Variants in TNS3 observed in about 807,000 individuals in gnomAD.
TNS3 encodes tensin 3.
A neutral mutation model predicts 140.9 loss-of-function variants in TNS3; 45 were observed. The observed-to-expected ratio is 0.32, with a 90% CI of 0.25 to 0.41. The LOEUF (loss-of-function observed/expected upper bound fraction) is 0.41. Ranked by LOEUF, TNS3 falls within the 10% of genes least tolerant of loss-of-function variation. The pLI is 1.00. For missense variants in TNS3, 1,716 were observed against 1,906.7 expected, an observed-to-expected ratio of 0.90 and a Z score of 1.86; for synonymous variants, 815 against 788.4, an observed-to-expected ratio of 1.03 and a Z score of -0.56.
chr7:47,297,354 G>T, intron 23 of TNS3, 141 bp from the exon 24 acceptor site: 1 of 1,016,176 alleles, frequency 9.8e-7, no homozygotes, highest in Non-Finnish European at 1.4e-6. Flanking sequence ...CCCTCTGCTT[G>T]GCTGGAAGAA....
intron 10 of TNS3, among the ~76,000 whole-genome samples, chr7:47,421,707 T>C (rs1794379549): frequency 6.6e-6 from 1 of 152,140 alleles, no homozygotes; most frequent in South Asian, 2.1e-4. Context: ...ACAAGCTGCT[T>C]CTCATGATTT....
intron 2 of TNS3, among the ~76,000 whole-genome samples, chr7:47,528,023 C>T (rs1339860364): frequency 6.6e-6 from 1 of 152,166 alleles, no homozygotes; most frequent in East Asian, 1.9e-4. Context: ...CAGGTGGCTC[C>T]CTGGTCTCTG....
intron 18 of TNS3, among the ~76,000 whole-genome samples, 194 bp downstream of exon 18, chr7:47,345,993 C>T (rs1387077835): frequency 6.6e-6 from 1 of 152,182 alleles, no homozygotes; most frequent in Non-Finnish European, 1.5e-5. Context: ...ACACTGTGCT[C>T]TCCCAGCCAC....
At chr7:47,569,090 A>C (rs1175282190) in intron 1 of TNS3, among the ~76,000 whole-genome samples, 1 of 152,168 alleles carries the variant, frequency 6.6e-6, no homozygotes, top group African/African-American at 2.4e-5. Context: ...TCTCTCCAAA[A>C]TTTGGCTAGT....
chr7:47,345,140 A>C (rs1584447550), intron 18 of TNS3, 102 bp from the exon 19 acceptor site: 1 of 839,916 alleles, frequency 1.2e-6, no homozygotes, highest in Non-Finnish European at 2.0e-6. Context: ...CACTGAGCAA[A>C]CCCCTCCTCT....
At chr7:47,490,372 A>T (rs1306773224) in intron 3 of TNS3, among the ~76,000 whole-genome samples, 1 of 152,258 alleles carries the variant, frequency 6.6e-6, no homozygotes, top group Non-Finnish European at 1.5e-5. Context: ...ACATCCCTGC[A>T]TGCTATTGCC....
At chr7:47,282,049 C>T (rs1785173019) in intron 28 of TNS3, among the ~76,000 whole-genome samples, 1 of 151,886 alleles carries the variant, frequency 6.6e-6, no homozygotes, top group Admixed American at 6.5e-5. Flanking sequence ...GGTAGATGAT[C>T]CATATCCCAA....
chr7:47,473,942 A>G (rs1797058678), intron 4 of TNS3, among the ~76,000 whole-genome samples: 1 of 152,240 alleles, frequency 6.6e-6, no homozygotes, highest in African/African-American at 2.4e-5. Flanking sequence ...AGAATCAAAT[A>G]GCTTCATGAG....
Position 47,497,697 on chromosome 7 carries a change from A to ACACG in TNS3, c.-115+9209_-115+9210insCGTG, listed in dbSNP as rs139313048. ...CACACACACACACACACACACACACAGAGCAGGAAATGTTCACCGCGTGCT... is the reference window on the plus strand; with the variant it reads ...CACACACACACACACACACACACACACACGGAGCAGGAAATGTTCACCGCGTGCT... On this transcript the variant is annotated intron_variant, in intron 3 of 30. Transcript: ENST00000311160. Among the ~76,000 whole-genome samples, 1,056 of 148,488 alleles carry ACACG rather than the reference A, an allele frequency of 7.1e-3. 13 individuals are homozygous for ACACG. The highest frequency in any genetic ancestry group is 0.017 in the African/African-American group (701 of 40,570).
intron 1 of TNS3, among the ~76,000 whole-genome samples, chr7:47,529,938 G>A (rs572152824): frequency 6.6e-6 from 1 of 152,292 alleles, no homozygotes; most frequent in Admixed American, 6.5e-5. Flanking sequence ...AAATTTATTT[G>A]AAAAGATGAA....
intron 20 of TNS3, among the ~76,000 whole-genome samples, chr7:47,340,586 T>TTTTTTTTTTTTTC (rs1562611229): frequency 7.3e-6 from 1 of 137,468 alleles, no homozygotes; most frequent in Admixed American, 7.3e-5. Flanking sequence ...CTTTTTTTTC[T>TTTTTTTTTTTTTC]TTTTTTTTTT....
chr7:47,406,521 C>T (rs1023661387), intron 13 of TNS3, among the ~76,000 whole-genome samples: 2 of 152,092 alleles, frequency 1.3e-5, no homozygotes, highest in South Asian at 2.1e-4. Flanking sequence ...ACCAGAACCA[C>T]GGAGGGGAAA....
chr7:47,491,500 A>T, intron 3 of TNS3, among the ~76,000 whole-genome samples: 1 of 152,296 alleles, frequency 6.6e-6, no homozygotes, highest in East Asian at 1.9e-4. Flanking sequence ...CAGTGGGACT[A>T]TATCAAATAT....
chr7:47,450,390 C>T (rs776005748), intron 4 of TNS3, among the ~76,000 whole-genome samples: 3 of 152,162 alleles, frequency 2.0e-5, no homozygotes, highest in Non-Finnish European at 2.9e-5. Flanking sequence ...CTTGACAGCT[C>T]GGTAAAAGCT....
At position 47,407,556 on chromosome 7, in the gene TNS3, T is replaced by A. The variant is rs1283734743; in HGVS notation, c.723+4171A>T. Among the ~76,000 whole-genome samples the A allele has an allele frequency of 6.6e-6, 1 of 152,214 alleles. No homozygotes were observed. Among genetic ancestry groups the A allele is most frequent in the African/African-American group, 2.4e-5 (1 of 41,458 alleles). ...GACTGCGCTAGTAATCTTACTAAAC[T>A]TTCTAGGAGAGGTTTATTTAATAAA... On this transcript the variant is annotated intron_variant, in intron 13 of 30. Coordinates refer to ENST00000311160, the MANE Select transcript of TNS3 (RefSeq NM_022748.12). The surrounding 1 kb of genome is among the most constrained non-coding windows in gnomAD (Gnocchi z 4.1).
intron 3 of TNS3, among the ~76,000 whole-genome samples, chr7:47,491,549 C>T (rs982502959): frequency 2.6e-5 from 4 of 152,172 alleles, no homozygotes; most frequent in Admixed American, 1.3e-4. Flanking sequence ...GGGGACCCCA[C>T]GGCCTTTCAA....
intron 16 of TNS3, among the ~76,000 whole-genome samples, chr7:47,392,359 G>T (rs1034505844): frequency 2.0e-5 from 3 of 152,206 alleles, no homozygotes; most frequent in Non-Finnish European, 2.9e-5. Context: ...ATCAAAGCCA[G>T]CGCTCCCCTA....
chr7:47,389,351 G>A (rs983206624), intron 16 of TNS3, among the ~76,000 whole-genome samples: 29 of 152,158 alleles, frequency 1.9e-4, no homozygotes, highest in African/African-American at 6.8e-4. Context: ...TTTGTGTGCC[G>A]ACTGGGGGTT....
At chr7:47,569,213 C>T (rs1056196214) in intron 1 of TNS3, among the ~76,000 whole-genome samples, 5 of 152,330 alleles carry the variant, frequency 3.3e-5, no homozygotes, top group Admixed American at 3.3e-4. Context: ...CTGCTGGATG[C>T]CCAACATCTT....
Sources: allele counts gnomAD v4.1 joint callset (sites outside exome capture counted in the v4.1 genomes callset), GRCh38; gene constraint gnomAD v4.1.1; non-coding constraint Gnocchi (gnomAD v3.1); transcripts MANE v1.5; gene names NCBI Gene and HGNC (gene_info 2026-07-23, HGNC 2026-07-21).